Variants in SHTN1 observed in about 807,000 individuals in gnomAD.
The protein encoded by SHTN1 is shootin-1.
In SHTN1, 42 loss-of-function variants were observed where a neutral mutation model predicts 83.1. The ratio of observed to expected loss-of-function variants is 0.51; its 90% CI spans 0.39 to 0.65. SHTN1 has a LOEUF of 0.65. SHTN1 is among the 30% of genes least tolerant of loss of function. The pLI, the probability that SHTN1 is intolerant of heterozygous loss-of-function variation, is 0.00. For synonymous variants in SHTN1, 224 were observed against 247.7 expected, an observed-to-expected ratio of 0.90 and a Z score of 0.90; for missense variants, 622 against 737.8, an observed-to-expected ratio of 0.84 and a Z score of 1.82.
chr10:116,960,680 A>ATCTGG (rs1162620041), intron 3 of SHTN1, among the ~76,000 whole-genome samples: 13 of 152,194 alleles, frequency 8.5e-5, no homozygotes, highest in African/African-American at 3.1e-4. Flanking sequence ...TCTTAAATTG[A>ATCTGG]TCTTATGACT....
chr10:117,046,737 G>C (rs928604555), intron 2 of SHTN1, among the ~76,000 whole-genome samples: 1 of 152,116 alleles, frequency 6.6e-6, no homozygotes, highest in Non-Finnish European at 1.5e-5. Flanking sequence ...AAAATGTTAT[G>C]CTAAGAGAAA....
intron 1 of SHTN1, among the ~76,000 whole-genome samples, chr10:116,985,067 T>C (rs1589869496): frequency 6.6e-6 from 1 of 152,354 alleles, no homozygotes; most frequent in East Asian, 1.9e-4. Context: ...TTTATCTTAA[T>C]ATACCATCAG....
chr10:117,093,974 T>C (rs1370452007), intron 1 of SHTN1, among the ~76,000 whole-genome samples: 1 of 152,206 alleles, frequency 6.6e-6, no homozygotes, highest in Non-Finnish European at 1.5e-5. Context: ...AGGCTAATTC[T>C]TCCAATATAT....
At chr10:117,076,347 G>A (rs966339938) in intron 1 of SHTN1, among the ~76,000 whole-genome samples, 2 of 152,108 alleles carry the variant, frequency 1.3e-5, no homozygotes, top group African/African-American at 4.8e-5. Context: ...GGAGCTGTCC[G>A]CTAGAGTGCT....
chr10:116,955,721 T>C (rs1477738193), intron 4 of SHTN1, among the ~76,000 whole-genome samples: 2 of 152,182 alleles, frequency 1.3e-5, no homozygotes, highest in Non-Finnish European at 2.9e-5. Context: ...GAGAGGTTTG[T>C]CTGACCTCTT....
chr10:117,082,833 G>C (rs1441346275), intron 1 of SHTN1, among the ~76,000 whole-genome samples: 1 of 151,706 alleles, frequency 6.6e-6, no homozygotes, highest in East Asian at 2.0e-4. Flanking sequence ...TTTAAAGTCT[G>C]TCTTATCAGA....
upstream of SHTN1, among the ~76,000 whole-genome samples, chr10:117,009,447 AT>A (rs1589893823): frequency 6.6e-6 from 1 of 152,166 alleles, no homozygotes; most frequent in Non-Finnish European, 1.5e-5. Context: ...ACAACAATAG[AT>A]TTAAAGCAAA....
intron 3 of SHTN1, among the ~76,000 whole-genome samples, chr10:116,960,818 G>C (rs766628421): frequency 6.6e-6 from 1 of 152,148 alleles, no homozygotes; most frequent in Non-Finnish European, 1.5e-5. Context: ...TGTACTATAT[G>C]GTTATAAAGC....
chr10:116,970,511 C>T (rs1021387977), intron 2 of SHTN1, among the ~76,000 whole-genome samples: 40 of 152,034 alleles, frequency 2.6e-4, no homozygotes, highest in Non-Finnish European at 1.5e-4. Flanking sequence ...GTCAAGAGAT[C>T]GAGACCATCC....
chr10:117,091,558 G>T (rs973730141), intron 1 of SHTN1, among the ~76,000 whole-genome samples: 9 of 152,102 alleles, frequency 5.9e-5, no homozygotes, highest in African/African-American at 1.9e-4. Flanking sequence ...TTACCCTGAG[G>T]GAACAAAAAC....
chr10:116,933,319 G>GT (rs1414273755), intron 9 of SHTN1, among the ~76,000 whole-genome samples: 2 of 148,920 alleles, frequency 1.3e-5, no homozygotes, highest in Admixed American at 1.3e-4. Context: ...CCCTCCCCTT[G>GT]CCCCCACCCC....
At chr10:117,045,921 A>T (rs975288283) in intron 2 of SHTN1, among the ~76,000 whole-genome samples, 6 of 152,176 alleles carry the variant, frequency 3.9e-5, no homozygotes, top group Admixed American at 3.3e-4. Flanking sequence ...AAGCAGACAG[A>T]TAAAAACTCT....
intron 8 of SHTN1, among the ~76,000 whole-genome samples, chr10:116,940,819 T>C (rs533731648): frequency 6.6e-6 from 1 of 152,342 alleles, no homozygotes; most frequent in Admixed American, 6.5e-5. Flanking sequence ...CAACAAGATA[T>C]TTATACAATA....
chr10:117,007,965 G>T (rs1473731729), upstream of SHTN1, among the ~76,000 whole-genome samples: 3 of 151,908 alleles, frequency 2.0e-5, no homozygotes, highest in Non-Finnish European at 4.4e-5. Context: ...CCGAGATCAT[G>T]CCACTGCACT....
At chr10:117,063,577 C>A (rs528123731) in intron 1 of SHTN1, among the ~76,000 whole-genome samples, 2 of 152,072 alleles carry the variant, frequency 1.3e-5, no homozygotes, top group South Asian at 4.1e-4. Context: ...TTCTGTTTTC[C>A]TTATGTGCCC....
chr10:117,011,282 C>T lies in SHTN1; in HGVS notation c.-122-31974G>A, dbSNP rs557172926. Among the ~76,000 whole-genome samples the T allele has an allele frequency of 7.4e-4, 112 of 152,286 alleles. 2 individuals are homozygous for T. The South Asian group carries it at 0.022, about 30-fold the overall frequency. ...TTAGTTAATTTTTGTTAGGCCTTTT[C>T]TACCTTCATACCAACTTCAGTCTTT... On this transcript the variant is annotated intron_variant, in intron 2 of 17. Coordinates refer to the SHTN1 transcript ENST00000392901.
chr10:117,065,856 A>AAC (rs1564947544), intron 1 of SHTN1, among the ~76,000 whole-genome samples: 7 of 37,054 alleles, frequency 1.9e-4, no homozygotes, highest in African/African-American at 8.0e-4. Context: ...AAGGAAGGAA[A>AAC]GGAGGGAGGG....
At chr10:116,906,594 GAGA>G in intron 15 of SHTN1, 30 bp downstream of exon 15, 1 of 1,580,842 alleles carries the variant, frequency 6.3e-7, no homozygotes, top group Non-Finnish European at 8.6e-7. Flanking sequence ...CAGAGATGAA[GAGA>G]AGGACTGTGG....
At chr10:117,069,164 T>TA (rs1316755883) in intron 1 of SHTN1, among the ~76,000 whole-genome samples, 47 of 152,026 alleles carry the variant, frequency 3.1e-4, no homozygotes, top group African/African-American at 9.7e-4. Context: ...AGGGAAGAGT[T>TA]AGTTGTAAGA....
Sources: gnomAD v4.1 joint callset for allele counts (sites outside exome capture counted in the v4.1 genomes callset) on GRCh38, gnomAD v4.1.1 for gene constraint, MANE v1.5 for transcripts, NCBI Gene and HGNC (gene_info 2026-07-23, HGNC 2026-07-21) for gene names.